Variants in UIMC1 observed in about 807,000 individuals in gnomAD.
UIMC1 encodes ubiquitin interaction motif containing 1.
In UIMC1, 42 loss-of-function variants were observed where a neutral mutation model predicts 84.9. The observed-to-expected ratio is 0.49, with a 90% confidence interval of 0.39 to 0.64. The LOEUF is 0.64. UIMC1 is among the 30% of genes least tolerant of loss of function. The pLI is 0.00. For synonymous variants in UIMC1, 281 were observed against 293.0 expected (o/e 0.96, Z 0.42); for missense variants, 825 against 847.6 (o/e 0.97, Z 0.33).
chr5:176,997,668 G>C (rs1211188781), intron 1 of UIMC1, among the ~76,000 whole-genome samples: 1 of 125,940 alleles, frequency 7.9e-6, no homozygotes, highest in Non-Finnish European at 1.6e-5. Context: ...CTGGGCAACA[G>C]AGCGAGACTC....
intron 6 of UIMC1, among the ~76,000 whole-genome samples, chr5:176,968,321 G>T (rs748836393): frequency 6.6e-6 from 1 of 151,218 alleles, no homozygotes; most frequent in Non-Finnish European, 1.5e-5. Context: ...GCAGTGAGCC[G>T]AAGATTGCGC....
At chr5:177,010,383 A>G (rs1438775588), upstream of UIMC1, among the ~76,000 whole-genome samples, 1 of 152,238 alleles carries the variant, frequency 6.6e-6, no homozygotes, top group Non-Finnish European at 1.5e-5. Context: ...AGCACAGAGT[A>G]AAGAAAGATG....
chr5:176,968,410 T>A (rs1768654380), intron 6 of UIMC1, 145 bp downstream of exon 6: 2 of 1,139,930 alleles, frequency 1.8e-6, no homozygotes, highest in South Asian at 3.9e-5. Context: ...TTCTTTATAC[T>A]CTCCTGTACT....
intron 11 of UIMC1, among the ~76,000 whole-genome samples, chr5:176,908,994 A>G (rs1268131940): frequency 6.6e-6 from 1 of 152,254 alleles, no homozygotes; most frequent in African/African-American, 2.4e-5. Context: ...CTCTTCAGAC[A>G]TAAAATATTC....
intron 10 of UIMC1, among the ~76,000 whole-genome samples, chr5:176,930,055 A>G (rs1762898770): frequency 6.6e-6 from 1 of 152,206 alleles, no homozygotes; most frequent in Non-Finnish European, 1.5e-5. Flanking sequence ...AGAAACATAC[A>G]ATTCTTTAAA....
At position 176,999,948 on chromosome 5, in the gene UIMC1, C is replaced by T. The variant is rs148281193; in HGVS notation, c.-9+6702G>A. On this transcript the variant is annotated intron_variant, in intron 1 of 14. Transcript: ENST00000511320. ...GGGACTGCTGGATCATACGATAGCT[C>T]TACTTTTAGTTGTTTTGTTTTCTTT... is the stretch of plus-strand genomic sequence containing the variant. 1.4e-4 allele frequency among the ~76,000 whole-genome samples: 22 copies of T among 152,124 alleles called. No individual in the cohort carries two copies. The East Asian group carries it at 3.3e-3, about 23-fold the overall frequency.
intron 10 of UIMC1, among the ~76,000 whole-genome samples, chr5:176,915,134 A>G (rs1451136485): frequency 6.6e-6 from 1 of 152,086 alleles, no homozygotes; most frequent in Non-Finnish European, 1.5e-5. Flanking sequence ...CTGTCCATAT[A>G]CCACTACTGC....
chr5:176,984,155 C>A (rs1771552840), intron 1 of UIMC1, among the ~76,000 whole-genome samples: 1 of 123,676 alleles, frequency 8.1e-6, no homozygotes, highest in Non-Finnish European at 1.7e-5. Context: ...GCCGCCCTGT[C>A]TGGGAAGTGA....
intron 9 of UIMC1, among the ~76,000 whole-genome samples, chr5:176,950,442 C>A (rs1428331794): frequency 1.3e-5 from 2 of 151,902 alleles, no homozygotes; most frequent in Non-Finnish European, 2.9e-5. Context: ...AAAGTATACA[C>A]CAATGTAACC....
intron 3 of UIMC1, among the ~76,000 whole-genome samples, chr5:176,974,156 A>C (rs1769692027): frequency 6.6e-6 from 1 of 152,234 alleles, no homozygotes; most frequent in African/African-American, 2.4e-5. Context: ...AAGTTGGAAG[A>C]ATTATACTAC....
At chr5:176,986,575 C>A (rs1772056119) in intron 1 of UIMC1, among the ~76,000 whole-genome samples, 1 of 144,496 alleles carries the variant, frequency 6.9e-6, no homozygotes, top group Non-Finnish European at 1.5e-5. Context: ...CACACTGGCT[C>A]ACACCTATAA....
chr5:176,952,570 G>A lies in UIMC1; in HGVS notation c.1340-993C>T, dbSNP rs777119334. Among the ~76,000 whole-genome samples the A allele has an allele frequency of 1.3e-4, 20 of 152,176 alleles. 1 individual carries two copies. Among genetic ancestry groups the A allele is most frequent in the Non-Finnish European group, 2.5e-4 (17 of 68,038 alleles). ...TGGCTGTTTTTGCACTAAAATGGCC[G>A]AACCAAATAGTCTCAACAGACTATA... On this transcript the variant is annotated intron_variant, in intron 8 of 14. Coordinates refer to ENST00000511320, the MANE Select transcript of UIMC1 (RefSeq NM_001199298.2).
chr5:176,948,130 T>C (rs1765373206), intron 9 of UIMC1, among the ~76,000 whole-genome samples: 1 of 152,130 alleles, frequency 6.6e-6, no homozygotes, highest in African/African-American at 2.4e-5. Flanking sequence ...TCTGAATAAC[T>C]TCTATTAGCT....
intron 10 of UIMC1, among the ~76,000 whole-genome samples, chr5:176,932,239 A>G (rs1269451529): frequency 6.6e-6 from 1 of 152,232 alleles, no homozygotes; most frequent in Non-Finnish European, 1.5e-5. Context: ...TTTATAGCTG[A>G]TAAGACCTAG....
At chr5:176,996,664 T>C (rs1187141070) in intron 1 of UIMC1, among the ~76,000 whole-genome samples, 2 of 152,126 alleles carry the variant, frequency 1.3e-5, no homozygotes, top group Non-Finnish European at 2.9e-5. Flanking sequence ...CCCTATTCAG[T>C]ACCCTACTCC....
chr5:176,987,620 C>A (rs1772222940), intron 1 of UIMC1, among the ~76,000 whole-genome samples: 1 of 152,130 alleles, frequency 6.6e-6, no homozygotes. Context: ...CACTGCCCTC[C>A]AGCCTGGGTG....
intron 3 of UIMC1, among the ~76,000 whole-genome samples, chr5:176,971,530 A>G (rs1769195678): frequency 6.6e-6 from 1 of 152,254 alleles, no homozygotes; most frequent in Admixed American, 6.5e-5. Flanking sequence ...CCAATTAAAT[A>G]AAGTCCTCAC....
At chr5:176,935,860 T>A (rs1158318366) in intron 10 of UIMC1, among the ~76,000 whole-genome samples, 2 of 152,148 alleles carry the variant, frequency 1.3e-5, no homozygotes, top group Admixed American at 1.3e-4. Context: ...TCCTACCTCC[T>A]CCTACCTACC....
At chr5:176,962,809 A>G (rs1767723653) in intron 6 of UIMC1, among the ~76,000 whole-genome samples, 1 of 27,850 alleles carries the variant, frequency 3.6e-5, no homozygotes, top group Non-Finnish European at 6.8e-5. Flanking sequence ...ACTAAGAAAA[A>G]TTCCTCTGCC....
Sources: gnomAD v4.1 joint callset for allele counts (sites outside exome capture counted in the v4.1 genomes callset) on GRCh38, gnomAD v4.1.1 for gene constraint, MANE v1.5 for transcripts, NCBI Gene and HGNC (gene_info 2026-07-23, HGNC 2026-07-21) for gene names.